Variants in RAF1 observed in about 807,000 individuals in gnomAD.
RAF1 encodes the protein Raf-1 proto-oncogene, serine/threonine kinase, also known as RAF proto-oncogene serine/threonine-protein kinase.
A neutral mutation model predicts 81.1 loss-of-function variants in RAF1; 27 were observed. That is an observed-to-expected ratio of 0.33 (90% CI 0.25 to 0.46). The LOEUF is 0.46. RAF1 is among the 20% of genes least tolerant of loss of function. The pLI is 1.00. For missense variants in RAF1, 598 were observed against 826.0 expected, an observed-to-expected ratio of 0.72 and a Z score of 3.38; for synonymous variants, 298 against 294.0, an observed-to-expected ratio of 1.01 and a Z score of -0.14.
chr3:12,583,751 CT>C lies in RAF1; in HGVS notation c.*762del. 1 of 233,318 alleles carries C rather than the reference CT, an allele frequency of 4.3e-6. No individual in the cohort carries two copies. The highest frequency in any genetic ancestry group is 8.5e-6 in the Non-Finnish European group (1 of 118,024). 14.5% of individuals were successfully genotyped at this position (233,318 alleles called of 1,614,324 possible). A position where few individuals can be genotyped will look rare whatever the true frequency, so the allele number is the denominator to read the frequency against. On this transcript the variant is annotated 3_prime_UTR_variant, in exon 18 of 18. Transcript: ENST00000442415. ...GCTTCCTTGTATACACATGATGTGA[CT>C]AGAGAAACAAGGCTGTTTGTTTGTT...
chr3:12,607,537 A>G (rs150665855), intron 5 of RAF1, among the ~76,000 whole-genome samples: 1 of 152,212 alleles, frequency 6.6e-6, no homozygotes, highest in East Asian at 1.9e-4. Flanking sequence ...AGTCCCAGCT[A>G]CTCAGGAGGC....
intron 1 of RAF1, among the ~76,000 whole-genome samples, chr3:12,620,597 C>T (rs1325108255): frequency 2.6e-5 from 4 of 152,058 alleles, no homozygotes; most frequent in African/African-American, 4.8e-5. Flanking sequence ...CAGCTTCCCA[C>T]ATAGCTGGGA....
chr3:12,622,743 A>G (rs963734477), intron 1 of RAF1, among the ~76,000 whole-genome samples: 1 of 152,212 alleles, frequency 6.6e-6, no homozygotes, highest in Admixed American at 6.5e-5. Context: ...AAGGCACTCA[A>G]ATATTTACTA....
intron 1 of RAF1, among the ~76,000 whole-genome samples, chr3:12,648,779 C>T (rs566582667): frequency 1.3e-5 from 2 of 152,172 alleles, no homozygotes; most frequent in Non-Finnish European, 2.9e-5. Flanking sequence ...ATTCAGCCAG[C>T]TCCCCTACAC....
rs543245956 is a variant in RAF1 at position 12,633,110 on chromosome 3, T to A, written c.-26-14363A>T. Among the ~76,000 whole-genome samples the A allele has an allele frequency of 2.0e-5, 3 of 152,246 alleles. No individual in the cohort carries two copies. The East Asian group carries it at 5.8e-4, about 29-fold the overall frequency. On this transcript the variant is annotated intron_variant, in intron 1 of 17. Coordinates refer to ENST00000442415, the MANE Select transcript of RAF1 (RefSeq NM_001354689.3). ...CCCAAAGATTCCAATTTGTTTTTAA[T>A]CTTATCTTTTAAAAAAATAAAGAGG...
chr3:12,585,547 C>A, intron 15 of RAF1, 134 bp downstream of exon 14: 1 of 1,354,490 alleles, frequency 7.4e-7, no homozygotes, highest in Non-Finnish European at 1.0e-6. Flanking sequence ...TACAATTGCC[C>A]TGAGGCTGGC....
chr3:12,599,273 TATGCCTAAC>T (rs1441974888), intron 11 of RAF1: 1 of 176,754 alleles, frequency 5.7e-6, no homozygotes, highest in Non-Finnish European at 1.2e-5. Context: ...CCAGCTTTCC[TATGCCTAAC>T]TGCATGACCA....
intron 2 of RAF1, 122 bp from the exon 3 acceptor site, chr3:12,612,184 G>T: frequency 4.0e-6 from 3 of 743,846 alleles, no homozygotes; most frequent in Non-Finnish European, 7.3e-6. Context: ...ACACATATAC[G>T]AAACAACCTG....
chr3:12,627,486 G>A (rs1173857990), intron 1 of RAF1, among the ~76,000 whole-genome samples: 1 of 152,028 alleles, frequency 6.6e-6, no homozygotes, highest in African/African-American at 2.4e-5. Flanking sequence ...AGATACCAGG[G>A]GACGTTTTAG....
chr3:12,653,511 C>T (rs1201344506), intron 1 of RAF1, among the ~76,000 whole-genome samples: 2 of 151,944 alleles, frequency 1.3e-5, no homozygotes, highest in Admixed American at 6.6e-5. Context: ...TTTGGGAGGC[C>T]GAGCTGGTGG....
intron 11 of RAF1, 79 bp from the exon 11 acceptor site, chr3:12,591,871 A>C: frequency 9.1e-7 from 1 of 1,099,140 alleles, no homozygotes; most frequent in Non-Finnish European, 1.4e-6. Context: ...AGGAAGATAC[A>C]GTGAATCATT....
intron 2 of RAF1, among the ~76,000 whole-genome samples, chr3:12,618,297 T>C (rs2059439618): frequency 6.6e-6 from 1 of 151,612 alleles, no homozygotes; most frequent in Non-Finnish European, 1.5e-5. Flanking sequence ...AAGGAAGACA[T>C]TCCAGGCAAG....
intron 1 of RAF1, among the ~76,000 whole-genome samples, chr3:12,624,496 T>A (rs905492105): frequency 6.6e-6 from 1 of 152,162 alleles, no homozygotes; most frequent in Non-Finnish European, 1.5e-5. Flanking sequence ...TACTGTAATT[T>A]CTCTGACTAA....
intron 11 of RAF1, among the ~76,000 whole-genome samples, chr3:12,595,711 T>C (rs1380016404): frequency 2.6e-5 from 4 of 152,080 alleles, no homozygotes; most frequent in Non-Finnish European, 5.9e-5. Flanking sequence ...TCCATGCAAA[T>C]GCCACTTTCT....
rs760136925 is a variant in RAF1 at position 12,600,230 on chromosome 3, G to C, written c.972C>G (p.Gly324=). ...GCACGGGGGTTTTCGGCTGTGACCA[G>C]CCTGTTGGGCTCAGATTGTTGGGGC... The change falls in exon 10 of 18, where the codon GGC becomes GGG. Residue 324 remains glycine, a synonymous_variant. Transcript: ENST00000442415. 6.2e-7 allele frequency: 1 copy of C among 1,614,196 alleles called. No individual in the cohort carries two copies. Among genetic ancestry groups the C allele is most frequent in the Non-Finnish European group, 8.5e-7 (1 of 1,180,042 alleles).
chr3:12,584,400 T>C lies in RAF1; in HGVS notation c.*114A>G. On this transcript the variant is annotated 3_prime_UTR_variant, in exon 18 of 18. Coordinates refer to ENST00000442415, the MANE Select transcript of RAF1 (RefSeq NM_001354689.3). ...CCCTGTGAGCAGTCTAGAAGGTCCT[T>C]AGCAGCAGCTTCTCTGAAAACATGT... 3 of 1,376,532 alleles carry C rather than the reference T, an allele frequency of 2.2e-6. No homozygotes were observed. The highest frequency in any genetic ancestry group is 2.3e-5 in the East Asian group (1 of 42,940). The allele number at this position is 1,376,532 out of a possible 1,614,324, so 85.3% of individuals were successfully genotyped here. A position where few individuals can be genotyped will look rare whatever the true frequency, so the allele number is the denominator to read the frequency against.
At chr3:12,612,220 G>A (rs2059235276) in intron 2 of RAF1, among the ~76,000 whole-genome samples, 158 bp from the exon 3 acceptor site, 1 of 152,190 alleles carries the variant, frequency 6.6e-6, no homozygotes, top group African/African-American at 2.4e-5. Flanking sequence ...GAAAGTACTT[G>A]AATGGAGTGT....
chr3:12,635,405 G>A (rs994901049), intron 1 of RAF1, among the ~76,000 whole-genome samples: 9 of 150,436 alleles, frequency 6.0e-5, no homozygotes, highest in Non-Finnish European at 1.3e-4. Context: ...AGGAGGCCGA[G>A]GTGGGCGGAT....
At chr3:12,632,500 A>G (rs1444481563) in intron 1 of RAF1, among the ~76,000 whole-genome samples, 1 of 152,182 alleles carries the variant, frequency 6.6e-6, no homozygotes, top group Non-Finnish European at 1.5e-5. Flanking sequence ...AAGCCTTCTA[A>G]AAGTTTAGAG....
Sources: allele counts gnomAD v4.1 joint callset (sites outside exome capture counted in the v4.1 genomes callset), GRCh38; gene constraint gnomAD v4.1.1; transcripts MANE v1.5; gene names NCBI Gene and HGNC (gene_info 2026-07-23, HGNC 2026-07-21).